OXCT1: variants seen among roughly 807,000 people sequenced by gnomAD.
OXCT1 encodes the protein 3-oxoacid CoA-transferase 1.
A neutral mutation model predicts 69.6 loss-of-function variants in OXCT1; 27 were observed. That is an observed-to-expected ratio of 0.39 (90% CI 0.29 to 0.54). The LOEUF (loss-of-function observed/expected upper bound fraction) is 0.54, where lower values mean the gene tolerates loss of function less well. Among genes scored for constraint, OXCT1 ranks in the 20% least tolerant of loss-of-function variants. The pLI is 0.72. For synonymous variants in OXCT1, 202 were observed against 217.8 expected, an observed-to-expected ratio of 0.93 and a Z score of 0.64; for missense variants, 437 against 650.2, an observed-to-expected ratio of 0.67 and a Z score of 3.57.
At position 41,861,355 on chromosome 5, in the gene OXCT1, T is replaced by C. The variant is rs762804031; in HGVS notation, c.237A>G (p.Lys79=). 8.7e-6 allele frequency: 14 copies of C among 1,612,884 alleles called. No individual in the cohort carries two copies. Among genetic ancestry groups the C allele is most frequent in the Admixed American group, 5.0e-5 (3 of 60,006 alleles). The change falls in exon 3 of 17, where the codon AAA becomes AAG. Residue 79 remains lysine (K), a synonymous_variant. Coordinates refer to ENST00000196371, the MANE Select transcript of OXCT1 (RefSeq NM_000436.4). ...IPENLIDALL[K]TGVKGLTAVS... The stretch of plus-strand genomic sequence containing the variant: ...CTGCAGTTAGTCCTTTTACTCCAGT[T>C]TTCAGTAAAGCATCTATAAGATTCT...
At position 41,862,655 on chromosome 5, in the gene OXCT1, C is replaced by T. The variant is rs1251287623; in HGVS notation, c.174G>A (p.Thr58=). 4 of 1,606,558 alleles carry T rather than the reference C, an allele frequency of 2.5e-6. No homozygotes were observed. Among genetic ancestry groups the T allele is most frequent in the Admixed American group, 3.3e-5 (2 of 59,974 alleles). The change falls in exon 2 of 17, where the codon ACG becomes ACA. Residue 58 remains threonine, a synonymous_variant. Coordinates refer to ENST00000196371, the MANE Select transcript of OXCT1 (RefSeq NM_000436.4). ...EAVKDIPDGA[T]VLVGGFGLCG... ...GTTAGTACTCACCACCAACCAAAAC[C>T]GTGGCACCATCAGGGATGTCTTTTA...
intron 1 of OXCT1, among the ~76,000 whole-genome samples, chr5:41,868,297 G>T (rs1750096270): frequency 6.6e-6 from 1 of 152,200 alleles, no homozygotes; most frequent in African/African-American, 2.4e-5. Flanking sequence ...AGAGTAGTGT[G>T]TTTGTTGAGG....
At chr5:41,774,033 A>G (rs150483313) in intron 13 of OXCT1, among the ~76,000 whole-genome samples, 4 of 152,346 alleles carry the variant, frequency 2.6e-5, no homozygotes, top group Non-Finnish European at 5.9e-5. Context: ...CTATATAGCT[A>G]TATGACAGAT....
chr5:41,768,778 G>C (rs1744737058), intron 13 of OXCT1, among the ~76,000 whole-genome samples: 1 of 152,122 alleles, frequency 6.6e-6, no homozygotes, highest in Non-Finnish European at 1.5e-5. Flanking sequence ...CCAACTTGCA[G>C]CCACAAAAAC....
Position 41,850,025 on chromosome 5 carries a change from C to G in OXCT1, c.564+5G>C. ...TGGTATAATCTGGTTAAGAGTGTTT[C>G]TTACCTCTCTTGGCTTACTGGCAAT... On this transcript the variant is annotated splice_donor_5th_base_variant and intron_variant, in intron 5 of 16. Transcript: ENST00000196371. The G allele has an allele frequency of 6.2e-7, 1 of 1,613,560 alleles. No individual in the cohort carries two copies.
chr5:41,816,554 G>A (rs1747255374), intron 7 of OXCT1, among the ~76,000 whole-genome samples: 1 of 152,130 alleles, frequency 6.6e-6, no homozygotes, highest in Non-Finnish European at 1.5e-5. Context: ...TAATTCTGGT[G>A]TTAAGTTAAA....
chr5:41,738,175 T>G (rs1280798088), intron 16 of OXCT1, among the ~76,000 whole-genome samples: 2 of 152,232 alleles, frequency 1.3e-5, no homozygotes, highest in Non-Finnish European at 2.9e-5. Context: ...TTCTCCAAGA[T>G]GTGTAGCTGT....
At chr5:41,829,664 T>C (rs1406531685) in intron 7 of OXCT1, among the ~76,000 whole-genome samples, 1 of 152,180 alleles carries the variant, frequency 6.6e-6, no homozygotes, top group Non-Finnish European at 1.5e-5. Context: ...TGGGTGTAAA[T>C]GGTCATTAAG....
chr5:41,777,698 T>C (rs1416539107), intron 13 of OXCT1, among the ~76,000 whole-genome samples: 1 of 152,222 alleles, frequency 6.6e-6, no homozygotes, highest in Non-Finnish European at 1.5e-5. Flanking sequence ...TACAGTCAGA[T>C]CTTTCAGGAC....
At chr5:41,798,553 C>A (rs1438997173) in intron 11 of OXCT1, among the ~76,000 whole-genome samples, 4 of 152,124 alleles carry the variant, frequency 2.6e-5, no homozygotes, top group African/African-American at 9.7e-5. Context: ...TCAGACCCCA[C>A]CCCATTGAAA....
chr5:41,777,031 T>C (rs894662234), intron 13 of OXCT1, among the ~76,000 whole-genome samples: 3 of 152,272 alleles, frequency 2.0e-5, no homozygotes, highest in Non-Finnish European at 2.9e-5. Context: ...TGATCTACTT[T>C]GTTCATACTG....
intron 14 of OXCT1, among the ~76,000 whole-genome samples, chr5:41,754,234 C>G (rs1361481010): frequency 6.6e-6 from 1 of 152,038 alleles, no homozygotes; most frequent in Non-Finnish European, 1.5e-5. Flanking sequence ...AATGGCAGGT[C>G]TATCTTTGGG....
intron 7 of OXCT1, among the ~76,000 whole-genome samples, chr5:41,807,797 A>C (rs562266689): frequency 1.3e-5 from 2 of 152,202 alleles, no homozygotes; most frequent in East Asian, 3.9e-4. Context: ...CACATTCCTT[A>C]AACACAGATT....
Position 41,805,640 on chromosome 5 carries a change from A to T in OXCT1, c.882T>A (p.Ser294=). Residue 294 remains serine (S), a synonymous_variant, in exon 9 of 17, where the codon TCT becomes TCA. Coordinates refer to ENST00000196371, the MANE Select transcript of OXCT1 (RefSeq NM_000436.4). The part of the protein sequence containing the change: ...IRKEGDGEAK[S]AKPGDDVRER... Reference sequence around the variant, plus strand: ...CCCTTACGTCATCTCCAGGTTTAGCAGATTTGGCTTCCCCATCTCCCTCTT... The same window carrying T: ...CCCTTACGTCATCTCCAGGTTTAGCTGATTTGGCTTCCCCATCTCCCTCTT... 6.2e-7 allele frequency: 1 copy of T among 1,613,060 alleles called. No homozygotes were observed. Among genetic ancestry groups the T allele is most frequent in the Non-Finnish European group, 8.5e-7 (1 of 1,179,272 alleles).
chr5:41,815,023 AG>A (rs1217467886), intron 7 of OXCT1, among the ~76,000 whole-genome samples: 9 of 152,134 alleles, frequency 5.9e-5, no homozygotes, highest in African/African-American at 2.2e-4. Context: ...TGTAAAACGC[AG>A]GATGTGAAAA....
chr5:41,806,081 G>T (rs1449044255), intron 8 of OXCT1, among the ~76,000 whole-genome samples: 2 of 152,024 alleles, frequency 1.3e-5, no homozygotes, highest in African/African-American at 2.4e-5. Flanking sequence ...ACCAGGTGTT[G>T]CTGCTGCCAA....
intron 14 of OXCT1, among the ~76,000 whole-genome samples, chr5:41,753,897 G>A (rs950311837): frequency 4.6e-5 from 7 of 152,004 alleles, no homozygotes; most frequent in African/African-American, 9.7e-5. Context: ...ATAGGTACTC[G>A]TACATTCCTA....
At chr5:41,853,864 T>C (rs1356778638) in intron 3 of OXCT1, among the ~76,000 whole-genome samples, 1 of 152,190 alleles carries the variant, frequency 6.6e-6, no homozygotes, top group Non-Finnish European at 1.5e-5. Flanking sequence ...CCTACAGTTT[T>C]ACCCCGCACC....
At chr5:41,865,845 G>A (rs751243950) in intron 1 of OXCT1, among the ~76,000 whole-genome samples, 1 of 152,110 alleles carries the variant, frequency 6.6e-6, no homozygotes, top group Non-Finnish European at 1.5e-5. Context: ...ATATCCAGGG[G>A]ATACTAGCTT....
Sources: allele counts gnomAD v4.1 joint callset (sites outside exome capture counted in the v4.1 genomes callset), GRCh38; gene constraint gnomAD v4.1.1; transcripts MANE v1.5; gene names NCBI Gene and HGNC (gene_info 2026-07-23, HGNC 2026-07-21).